RNF13: variants seen among roughly 807,000 people sequenced by gnomAD.
RNF13 encodes ring finger protein 13.
A neutral mutation model predicts 37.7 loss-of-function variants in RNF13; 19 were observed. The ratio of observed to expected loss-of-function variants is 0.50; its 90% confidence interval spans 0.35 to 0.74. The LOEUF is 0.74. Among genes scored for constraint, RNF13 ranks in the 30% least tolerant of loss-of-function variants. RNF13 has a pLI of 0.01. For synonymous variants in RNF13, 144 were observed against 157.8 expected, an observed-to-expected ratio of 0.91 and a Z score of 0.65; for missense variants, 375 against 453.0, an observed-to-expected ratio of 0.83 and a Z score of 1.56.
At chr3:149,818,513 T>C (rs777596851) in intron 1 of RNF13, among the ~76,000 whole-genome samples, 3 of 152,174 alleles carry the variant, frequency 2.0e-5, no homozygotes, top group Non-Finnish European at 4.4e-5. Flanking sequence ...AAATGTTTAT[T>C]ACAGGGAGAA....
Position 149,938,173 on chromosome 3 carries a change from A to T in RNF13, c.700+16946A>T, listed in dbSNP as rs181508969. ...TAGTTATGTATATATATAATTTTTT[A>T]AAATTTTTTATTTATTTATTTTGAG... is the stretch of plus-strand genomic sequence containing the variant. On this transcript the variant is annotated intron_variant, in intron 8 of 9. Transcript: ENST00000392894. 3.8e-3 allele frequency among the ~76,000 whole-genome samples: 569 copies of T among 151,176 alleles called. 4 individuals carry two copies. Among genetic ancestry groups the T allele is most frequent in the Non-Finnish European group, 6.0e-3 (406 of 67,760 alleles).
At chr3:149,915,354 T>C (rs186069737) in intron 7 of RNF13, among the ~76,000 whole-genome samples, 501 of 152,316 alleles carry the variant, frequency 3.3e-3, no homozygotes, top group Admixed American at 5.9e-3. Flanking sequence ...AAGAAAACTT[T>C]GGTTTTATGG....
intron 1 of RNF13, among the ~76,000 whole-genome samples, chr3:149,834,317 G>A (rs143378918): frequency 1.9e-4 from 29 of 152,292 alleles, no homozygotes; most frequent in African/African-American, 4.1e-4. Flanking sequence ...GTTGTAGGTC[G>A]TATACTTCCT....
rs139709432 is a variant in RNF13, at chr3:149,834,683, CCT to C, written c.-16-11320_-16-11319del. Among the ~76,000 whole-genome samples, 20 of 152,232 alleles carry C rather than the reference CCT, an allele frequency of 1.3e-4. No homozygotes were observed. The East Asian group carries it at 3.9e-3, about 29-fold the overall frequency. Reference sequence around the variant, plus strand: ...TTGAAAAGAACTTGGCACTTTCTTCCCTCTCTCTCACTTGCTGCTCTTGCTGT... The same window carrying C: ...TTGAAAAGAACTTGGCACTTTCTTCCCTCTCTCACTTGCTGCTCTTGCTGT... On this transcript the variant is annotated intron_variant, in intron 1 of 9. Coordinates refer to ENST00000392894, the MANE Select transcript of RNF13 (RefSeq NM_183381.3).
intron 4 of RNF13, among the ~76,000 whole-genome samples, chr3:149,875,224 A>G (rs189008801): frequency 4.3e-4 from 66 of 152,280 alleles, no homozygotes; most frequent in African/African-American, 1.4e-3. Context: ...CCAAAGTGAC[A>G]TACAAATTAT....
intron 8 of RNF13, among the ~76,000 whole-genome samples, chr3:149,938,836 T>C (rs770372786): frequency 6.6e-6 from 1 of 152,156 alleles, no homozygotes; most frequent in Non-Finnish European, 1.5e-5. Flanking sequence ...ACAGGCATTT[T>C]GGGCAACACA....
intron 8 of RNF13, among the ~76,000 whole-genome samples, chr3:149,956,704 T>G (rs980777255): frequency 6.6e-6 from 1 of 152,244 alleles, no homozygotes; most frequent in Non-Finnish European, 1.5e-5. Context: ...GTGTGTCTTA[T>G]TGTTTCATAT....
chr3:149,947,702 C>T (rs1054116216), intron 8 of RNF13, among the ~76,000 whole-genome samples: 5 of 152,102 alleles, frequency 3.3e-5, no homozygotes, highest in African/African-American at 1.2e-4. Flanking sequence ...ACCTGGCCAT[C>T]TTCCTTCAGT....
chr3:149,958,174 C>G (rs1009557948), intron 8 of RNF13, among the ~76,000 whole-genome samples: 2 of 152,092 alleles, frequency 1.3e-5, no homozygotes, highest in African/African-American at 4.8e-5. Context: ...AACAAATCAA[C>G]AAAAGCTTAA....
chr3:149,925,697 A>G (rs528880156), intron 8 of RNF13, among the ~76,000 whole-genome samples: 1 of 152,202 alleles, frequency 6.6e-6, no homozygotes, highest in African/African-American at 2.4e-5. Context: ...CCTGGTGCAT[A>G]TGTCCATGAA....
At chr3:149,836,580 G>A (rs1721644023) in intron 1 of RNF13, among the ~76,000 whole-genome samples, 1 of 151,832 alleles carries the variant, frequency 6.6e-6, no homozygotes, top group Admixed American at 6.6e-5. Flanking sequence ...TTGTGGGAAA[G>A]TAAAATGGTG....
At chr3:149,886,174 G>C (rs1324745135) in intron 4 of RNF13, among the ~76,000 whole-genome samples, 3 of 152,140 alleles carry the variant, frequency 2.0e-5, no homozygotes, top group African/African-American at 7.2e-5. Context: ...GATTCCTTCA[G>C]TTTTGTTCTT....
At chr3:149,832,313 C>T (rs1273181134) in intron 1 of RNF13, among the ~76,000 whole-genome samples, 1 of 152,072 alleles carries the variant, frequency 6.6e-6, no homozygotes, top group East Asian at 1.9e-4. Context: ...TGTTATTTGG[C>T]AGTGAAGCAG....
chr3:149,937,886 GAATGTAT>G (rs1719861145), intron 8 of RNF13, among the ~76,000 whole-genome samples: 1 of 152,032 alleles, frequency 6.6e-6, no homozygotes, highest in Non-Finnish European at 1.5e-5. Context: ...AGCTGGAAAG[GAATGTAT>G]ATTCTATTTC....
chr3:149,910,780 G>C, intron 6 of RNF13, among the ~76,000 whole-genome samples: 1 of 152,144 alleles, frequency 6.6e-6, no homozygotes, highest in Non-Finnish European at 1.5e-5. Flanking sequence ...GGATTCATCT[G>C]TCATATCTGT....
At chr3:149,859,545 TA>T (rs1353715790) in intron 3 of RNF13, among the ~76,000 whole-genome samples, 6 of 152,198 alleles carry the variant, frequency 3.9e-5, no homozygotes, top group African/African-American at 1.2e-4. Context: ...TTTGATTTCA[TA>T]AATCAACACA....
intron 1 of RNF13, among the ~76,000 whole-genome samples, chr3:149,828,138 G>A (rs905248660): frequency 3.3e-5 from 5 of 152,136 alleles, no homozygotes; most frequent in East Asian, 1.9e-4. Context: ...TAGGATGAGG[G>A]AACTGGTTCA....
intron 1 of RNF13, among the ~76,000 whole-genome samples, chr3:149,844,744 A>G (rs1722482250): frequency 6.6e-6 from 1 of 152,104 alleles, no homozygotes; most frequent in Non-Finnish European, 1.5e-5. Flanking sequence ...ACGAATGTCA[A>G]CAAATCTAGA....
At chr3:149,950,930 T>G (rs936966983) in intron 8 of RNF13, among the ~76,000 whole-genome samples, 1 of 152,090 alleles carries the variant, frequency 6.6e-6, no homozygotes, top group South Asian at 2.1e-4. Flanking sequence ...GGGAGTTGGG[T>G]ATTTTTGCCC....
Sources: allele counts gnomAD v4.1 joint callset (sites outside exome capture counted in the v4.1 genomes callset), GRCh38; gene constraint gnomAD v4.1.1; transcripts MANE v1.5; gene names NCBI Gene and HGNC (gene_info 2026-07-23, HGNC 2026-07-21).